SLIT2: variants seen among roughly 807,000 people sequenced by gnomAD.
The protein encoded by SLIT2 is slit guidance ligand 2.
In SLIT2, 41 loss-of-function variants were observed where a neutral mutation model predicts 185.7. The observed-to-expected ratio is 0.22, with a 90% confidence interval of 0.17 to 0.29. The LOEUF (loss-of-function observed/expected upper bound fraction) is 0.29. SLIT2 is among the 10% of genes least tolerant of loss of function. The probability of loss-of-function intolerance (pLI) is 1.00; values close to 1 mark genes in which losing one functional copy is unlikely to be tolerated. For missense variants in SLIT2, 1,571 were observed against 1,909.0 expected (o/e 0.82, Z 3.30); for synonymous variants, 693 against 680.2 (o/e 1.02, Z -0.29).
chr4:20,519,255 T>C, intron 11 of SLIT2, 127 bp from the exon 12 acceptor site: 2 of 644,350 alleles, frequency 3.1e-6, no homozygotes, highest in Non-Finnish European at 2.7e-6. Flanking sequence ...GTTTGTTTAC[T>C]CAGCTATAAC....
intron 11 of SLIT2, among the ~76,000 whole-genome samples, chr4:20,516,794 G>T (rs1050792430): frequency 3.3e-5 from 5 of 152,026 alleles, no homozygotes; most frequent in African/African-American, 1.2e-4. Flanking sequence ...ATTACATTGA[G>T]TATTTCTTTA....
intron 4 of SLIT2, among the ~76,000 whole-genome samples, chr4:20,442,515 C>A: frequency 8.9e-6 from 1 of 112,040 alleles, no homozygotes; most frequent in African/African-American, 3.7e-5. Flanking sequence ...CAGAGGGAGA[C>A]TCTGTCTCAA....
intron 4 of SLIT2, among the ~76,000 whole-genome samples, chr4:20,446,134 C>T (rs190470035): frequency 3.5e-4 from 54 of 152,268 alleles, no homozygotes; most frequent in African/African-American, 1.2e-3. Flanking sequence ...GACCTTTCTT[C>T]GAAGACAGTT....
chr4:20,555,560 T>C (rs551232315), intron 26 of SLIT2, among the ~76,000 whole-genome samples: 1 of 152,238 alleles, frequency 6.6e-6, no homozygotes, highest in African/African-American at 2.4e-5. Flanking sequence ...GCTGATTGTA[T>C]TGTTATAACA....
At chr4:20,546,533 A>G (rs1484963422) in intron 22 of SLIT2, among the ~76,000 whole-genome samples, 1 of 152,128 alleles carries the variant, frequency 6.6e-6, no homozygotes, top group African/African-American at 2.4e-5. Flanking sequence ...TTTCTTATAC[A>G]AAGCATTGTT....
intron 4 of SLIT2, among the ~76,000 whole-genome samples, chr4:20,316,761 C>T (rs1229794070): frequency 1.3e-5 from 2 of 150,156 alleles, no homozygotes; most frequent in Non-Finnish European, 3.0e-5. Context: ...GTATATTATG[C>T]ATTTTTAATT....
intron 4 of SLIT2, among the ~76,000 whole-genome samples, chr4:20,311,278 T>A (rs1189234024): frequency 6.6e-6 from 1 of 152,218 alleles, no homozygotes; most frequent in Non-Finnish European, 1.5e-5. Flanking sequence ...GTTTTAAACT[T>A]TGTATCTAAT....
chr4:20,466,610 C>T lies in SLIT2; in HGVS notation c.396-1142C>T, dbSNP rs565392678. Among the ~76,000 whole-genome samples the T allele has an allele frequency of 4.6e-5, 7 of 152,180 alleles. No homozygotes were observed. In the South Asian group the frequency reaches 8.3e-4, roughly 18 times the overall value. ...CCACACACTAAATCTCCGTATCTGC[C>T]GGTTCTCTCTCTCTCTGTTGCGTGG... On this transcript the variant is annotated intron_variant, in intron 4 of 36. Transcript: ENST00000504154.
At chr4:20,590,712 C>T (rs747942133) in intron 30 of SLIT2, among the ~76,000 whole-genome samples, 6 of 152,160 alleles carry the variant, frequency 3.9e-5, no homozygotes, top group Non-Finnish European at 2.9e-5. Flanking sequence ...GATTTCTTTG[C>T]CACCATCCTG....
Position 20,616,890 on chromosome 4 carries a change from G to T in SLIT2, c.3848-20G>T. On this transcript the variant is annotated intron_variant, in intron 34 of 36. Coordinates refer to ENST00000504154, the MANE Select transcript of SLIT2 (RefSeq NM_004787.4). ...GAAATCCCCAGAGAGCCTGACCTCT[G>T]ACCTGGTGTTCCTCCCCAGGCATGC... 2.5e-6 allele frequency: 4 copies of T among 1,574,654 alleles called. No homozygotes were observed. The South Asian group carries it at 3.5e-5, about 14-fold the overall frequency.
intron 4 of SLIT2, among the ~76,000 whole-genome samples, chr4:20,463,525 G>GTGTGTGTGTT: frequency 7.1e-6 from 1 of 141,698 alleles, no homozygotes; most frequent in Admixed American, 7.1e-5. Context: ...ATGTGTGTGT[G>GTGTGTGTGTT]TGTGTGTGTG....
At chr4:20,389,004 C>G in intron 4 of SLIT2, among the ~76,000 whole-genome samples, 1 of 147,628 alleles carries the variant, frequency 6.8e-6, no homozygotes, top group African/African-American at 2.5e-5. Flanking sequence ...GAGATATGAA[C>G]AAAGTCAAAG....
At chr4:20,471,350 G>T (rs1714988267) in intron 5 of SLIT2, among the ~76,000 whole-genome samples, 1 of 152,082 alleles carries the variant, frequency 6.6e-6, no homozygotes, top group Non-Finnish European at 1.5e-5. Flanking sequence ...CTATTATTGT[G>T]AAACTGGTGA....
rs144829928 is a variant in SLIT2, at chr4:20,588,572, T to G, written c.3089-1072T>G. 9.6e-4 allele frequency among the ~76,000 whole-genome samples: 146 copies of G among 152,220 alleles called. 1 individual carries two copies. Among genetic ancestry groups the G allele is most frequent in the African/African-American group, 3.2e-3 (133 of 41,550 alleles). On this transcript the variant is annotated intron_variant, in intron 29 of 36. Transcript: ENST00000504154. ...ATATAAAACAATTCAAAAGTAGGAG[T>G]AAAGTAGAAAAGGTAAAAATAACTT...
intron 3 of SLIT2, among the ~76,000 whole-genome samples, chr4:20,258,631 A>G (rs1248394307): frequency 1.3e-5 from 2 of 151,756 alleles, no homozygotes; most frequent in African/African-American, 2.4e-5. Flanking sequence ...TGAGGACTTT[A>G]AAAATGTTTA....
At chr4:20,520,186 G>C (rs1247758693) in intron 12 of SLIT2, among the ~76,000 whole-genome samples, 1 of 152,026 alleles carries the variant, frequency 6.6e-6, no homozygotes, top group Non-Finnish European at 1.5e-5. Context: ...TAAACCTTTA[G>C]AGAGATAATT....
At chr4:20,342,381 T>C (rs1346404395) in intron 4 of SLIT2, among the ~76,000 whole-genome samples, 2 of 152,124 alleles carry the variant, frequency 1.3e-5, no homozygotes, top group Non-Finnish European at 2.9e-5. Flanking sequence ...TAGTGTTGTT[T>C]ATTTGAGTGT....
chr4:20,415,948 C>T (rs1410121873), intron 4 of SLIT2, among the ~76,000 whole-genome samples: 1 of 152,024 alleles, frequency 6.6e-6, no homozygotes, highest in East Asian at 1.9e-4. Context: ...ATCCTCAGTT[C>T]CAAGAACATA....
chr4:20,267,761 T>C (rs1457698445), intron 3 of SLIT2, among the ~76,000 whole-genome samples: 1 of 151,886 alleles, frequency 6.6e-6, no homozygotes, highest in Non-Finnish European at 1.5e-5. Flanking sequence ...ATGTCAAGAT[T>C]GATATGCCCT....
Sources: gnomAD v4.1 joint callset for allele counts (sites outside exome capture counted in the v4.1 genomes callset) on GRCh38, gnomAD v4.1.1 for gene constraint, MANE v1.5 for transcripts, NCBI Gene and HGNC (gene_info 2026-07-23, HGNC 2026-07-21) for gene names.